KLF12: variants seen among roughly 807,000 people sequenced by gnomAD.
KLF12 encodes Krueppel-like factor 12.
Under a neutral mutation model 37.8 loss-of-function variants are expected in KLF12, and 9 were observed. That is an observed-to-expected ratio of 0.24 (90% CI 0.14 to 0.42). The LOEUF is 0.42. Ranked by LOEUF, KLF12 falls within the 10% of genes least tolerant of loss-of-function variation. The pLI is 1.00. For missense variants in KLF12, 411 were observed against 516.0 expected (o/e 0.80, Z 1.97); for synonymous variants, 208 against 202.1 (o/e 1.03, Z -0.25).
the KLF12 span, among the ~76,000 whole-genome samples, chr13:74,248,041 C>A: frequency 6.6e-6 from 1 of 152,206 alleles, no homozygotes; most frequent in Non-Finnish European, 1.5e-5. Context: ...AACTTCTTTT[C>A]CTCTCATGCC....
At position 74,086,172 on chromosome 13, in the gene KLF12, G is replaced by A. The variant is rs1875283048; in HGVS notation, c.-32+47567C>T. On this transcript the variant is annotated intron_variant, in intron 1 of 7. Transcript: ENST00000377669. ...TTAGGGTACACGTGCACAATGTGCAGGTTAGTTACATATGTATACATGTGC... is the reference window on the plus strand; with the variant it reads ...TTAGGGTACACGTGCACAATGTGCAAGTTAGTTACATATGTATACATGTGC... Among the ~76,000 whole-genome samples, 2 of 151,602 alleles carry A rather than the reference G, an allele frequency of 1.3e-5. 1 individual carries two copies. The highest frequency in any genetic ancestry group is 4.2e-4 in the South Asian group (2 of 4,802).
At chr13:74,054,914 G>C (rs1873156674) in intron 1 of KLF12, among the ~76,000 whole-genome samples, 1 of 152,052 alleles carries the variant, frequency 6.6e-6, no homozygotes, top group Admixed American at 6.6e-5. Context: ...GAAAATAAAA[G>C]TTCATTGTAT....
intron 1 of KLF12, among the ~76,000 whole-genome samples, chr13:74,054,564 C>G (rs1460906583): frequency 3.9e-5 from 6 of 152,158 alleles, no homozygotes. Flanking sequence ...TCAAATGATT[C>G]ATTTTACAAA....
chr13:74,105,922 G>A (rs1209852453), intron 1 of KLF12, among the ~76,000 whole-genome samples: 1 of 152,172 alleles, frequency 6.6e-6, no homozygotes, highest in African/African-American at 2.4e-5. Flanking sequence ...GATATTCTTA[G>A]TGTCACCTCT....
chr13:74,082,279 G>C (rs1029561713), intron 1 of KLF12, among the ~76,000 whole-genome samples: 1 of 151,802 alleles, frequency 6.6e-6, no homozygotes, highest in Non-Finnish European at 1.5e-5. Flanking sequence ...CTGCCATCCA[G>C]CCTTCACAAT....
At chr13:73,958,104 T>C (rs2139445946) in intron 2 of KLF12, among the ~76,000 whole-genome samples, 1 of 152,334 alleles carries the variant, frequency 6.6e-6, no homozygotes, top group African/African-American at 2.4e-5. Flanking sequence ...GAGACATGAC[T>C]AGTCCAAATT....
At chr13:73,872,610 G>T (rs1190780069) in intron 3 of KLF12, among the ~76,000 whole-genome samples, 1 of 152,136 alleles carries the variant, frequency 6.6e-6, no homozygotes, top group Non-Finnish European at 1.5e-5. Flanking sequence ...GAGTAAATCT[G>T]AGAGCACCTA....
chr13:74,200,627 G>A, the KLF12 span, among the ~76,000 whole-genome samples: 5 of 152,038 alleles, frequency 3.3e-5, no homozygotes, highest in African/African-American at 1.2e-4. Flanking sequence ...GACTCACTCA[G>A]ATCTTTCTGA....
At chr13:74,192,414 A>G in the KLF12 span, among the ~76,000 whole-genome samples, 3 of 152,206 alleles carry the variant, frequency 2.0e-5, no homozygotes, top group Admixed American at 1.3e-4. Flanking sequence ...TTGGTTTTAC[A>G]TTTAAAAATT....
At chr13:74,129,061 A>G (rs750310053) in intron 1 of KLF12, among the ~76,000 whole-genome samples, 3 of 152,198 alleles carry the variant, frequency 2.0e-5, no homozygotes, top group Non-Finnish European at 4.4e-5. Context: ...ATTCTTCAGT[A>G]CCCTTGGAGG....
At chr13:73,713,187 G>A (rs1454801668) in intron 7 of KLF12, among the ~76,000 whole-genome samples, 2 of 152,156 alleles carry the variant, frequency 1.3e-5, no homozygotes, top group Admixed American at 6.6e-5. Flanking sequence ...GGAACACCGG[G>A]GCCAGTGAGT....
chr13:73,954,632 T>C (rs1890771556), intron 2 of KLF12, among the ~76,000 whole-genome samples: 1 of 152,224 alleles, frequency 6.6e-6, no homozygotes, highest in Non-Finnish European at 1.5e-5. Flanking sequence ...CTAACAAGAA[T>C]GGCCATGCCT....
In KLF12 at chr13:74,044,987, G is replaced by A. The variant is rs1226234731; in HGVS notation, c.-31-49934C>T. 7.9e-5 allele frequency among the ~76,000 whole-genome samples: 12 copies of A among 152,284 alleles called. No homozygotes were observed. The East Asian group carries it at 2.3e-3, about 29-fold the overall frequency. On this transcript the variant is annotated intron_variant, in intron 1 of 7. Transcript: ENST00000377669. ...GAATCCACACTGATATAAAAATGAT[G>A]TGATAGGTAGGTAGATAGATAAGGG... is the stretch of plus-strand genomic sequence containing the variant.
At chr13:74,013,743 A>G (rs1482952738) in intron 1 of KLF12, among the ~76,000 whole-genome samples, 3 of 152,172 alleles carry the variant, frequency 2.0e-5, no homozygotes, top group African/African-American at 4.8e-5. Context: ...GTTTTTTGAT[A>G]ATTTATATTA....
intron 2 of KLF12, among the ~76,000 whole-genome samples, chr13:73,978,482 C>T (rs979111081): frequency 1.3e-5 from 2 of 152,308 alleles, no homozygotes; most frequent in Admixed American, 1.3e-4. Context: ...TGTGGAGCAA[C>T]AAGGACTCTC....
At chr13:74,287,176 C>T in the KLF12 span, among the ~76,000 whole-genome samples, 1 of 152,090 alleles carries the variant, frequency 6.6e-6, no homozygotes, top group Non-Finnish European at 1.5e-5. Context: ...AAGCTGCAGG[C>T]CACTAGGTAA....
At chr13:73,923,140 T>A (rs918731494) in intron 3 of KLF12, among the ~76,000 whole-genome samples, 2 of 152,196 alleles carry the variant, frequency 1.3e-5, no homozygotes, top group Non-Finnish European at 2.9e-5. Flanking sequence ...ATCTTCTAAA[T>A]GAGTCATTCA....
intron 5 of KLF12, among the ~76,000 whole-genome samples, chr13:73,806,413 T>A (rs1216328920): frequency 1.3e-5 from 2 of 152,056 alleles, no homozygotes; most frequent in East Asian, 3.9e-4. Flanking sequence ...TCTTCTTTTT[T>A]TGAGGAGAGG....
the KLF12 span, among the ~76,000 whole-genome samples, chr13:74,247,494 C>T: frequency 6.6e-6 from 1 of 152,088 alleles, no homozygotes; most frequent in Non-Finnish European, 1.5e-5. Context: ...GATGAAGGGC[C>T]CTAAGTATCC....
Sources: allele counts gnomAD v4.1 joint callset (sites outside exome capture counted in the v4.1 genomes callset), GRCh38; gene constraint gnomAD v4.1.1; transcripts MANE v1.5; gene names NCBI Gene and HGNC (gene_info 2026-07-23, HGNC 2026-07-21).